IPP: variants seen among roughly 807,000 people sequenced by gnomAD.
The protein encoded by IPP is intracisternal A particle-promoted polypeptide, also known as actin-binding protein IPP.
IPP carries 41 observed loss-of-function variants against 64.1 expected under a neutral mutation model. That is an observed-to-expected ratio of 0.64 (90% CI 0.50 to 0.83). The LOEUF (loss-of-function observed/expected upper bound fraction) is 0.83. Among genes scored for constraint, IPP ranks in the 40% least tolerant of loss-of-function variants. The pLI, the probability that IPP is intolerant of heterozygous loss-of-function variation, is 0.00. For missense variants in IPP, 649 were observed against 703.0 expected, an observed-to-expected ratio of 0.92 and a Z score of 0.87; for synonymous variants, 214 against 235.2, an observed-to-expected ratio of 0.91 and a Z score of 0.83.
rs1371532857 is a variant in IPP at position 45,714,308 on chromosome 1, C to T, written c.1468G>A (p.Val490Ile). The change falls in exon 8 of 9, where the codon GTT becomes ATT. Residue 490 changes from valine (V) to isoleucine (I), a missense_variant. Physicochemically the swap from Val to Ile is conservative, Grantham distance 29 (BLOSUM62 3). Coordinates refer to ENST00000396478, the MANE Select transcript of IPP (RefSeq NM_005897.3). ...TCTTGGGTCTCATTCCATCCTCCAACAGAATAGATGCAGTCATTGAGTGCA... is the reference window on the plus strand; with the variant it reads ...TCTTGGGTCTCATTCCATCCTCCAATAGAATAGATGCAGTCATTGAGTGCA... The part of the protein sequence containing the change: ...VAALNDCIYS[V>I]GGWNETQDAL... The T allele has an allele frequency of 9.9e-6, 16 of 1,614,190 alleles. No homozygotes were observed. Among genetic ancestry groups the T allele is most frequent in the Non-Finnish European group, 1.2e-5 (14 of 1,180,012 alleles).
downstream of IPP, chr1:45,698,634 A>G (rs1351125548): frequency 2.1e-6 from 2 of 954,218 alleles, no homozygotes; most frequent in African/African-American, 3.5e-5. Context: ...AAAGCTTGAT[A>G]ATCTAATAAA....
At chr1:45,732,372 A>AAAAAC (rs1645921408) in intron 3 of IPP, among the ~76,000 whole-genome samples, 1 of 151,098 alleles carries the variant, frequency 6.6e-6, no homozygotes, top group South Asian at 2.1e-4. Context: ...AAAAAAAAAA[A>AAAAAC]AAAAAAAACA....
intron 2 of IPP, among the ~76,000 whole-genome samples, chr1:45,742,389 AAAC>A (rs1409896216): frequency 3.9e-5 from 6 of 152,228 alleles, no homozygotes; most frequent in East Asian, 1.9e-4. Flanking sequence ...GAAAAAAAAC[AAAC>A]AACAACAGCA....
At chr1:45,703,313 T>A (rs1357662180) in intron 8 of IPP, among the ~76,000 whole-genome samples, 2 of 150,298 alleles carry the variant, frequency 1.3e-5, no homozygotes, top group Non-Finnish European at 3.0e-5. Context: ...AGTCTTGAAC[T>A]CCTGGGCTCA....
chr1:45,749,518 G>GTTTTTTT (rs1233626706), intron 1 of IPP, among the ~76,000 whole-genome samples: 1 of 123,718 alleles, frequency 8.1e-6, no homozygotes, highest in East Asian at 2.5e-4. Context: ...TTTTGTTTTT[G>GTTTTTTT]TTTTTTGTTT....
At position 45,727,793 on chromosome 1, in the gene IPP, A is replaced by G. The variant is rs536452536; in HGVS notation, c.886T>C (p.Tyr296His). Residue 296 changes from tyrosine to histidine, a missense_variant, in exon 5 of 9, where the codon TAT becomes CAT. Physicochemically the swap from Tyr to His is moderately conservative, Grantham distance 83. Coordinates refer to ENST00000396478, the MANE Select transcript of IPP (RefSeq NM_005897.3). Reference protein sequence around the residue: ...ARKYLYAVGGYTRLQGGRWSD... With the variant: ...ARKYLYAVGGHTRLQGGRWSD... Reference sequence around the variant, plus strand: ...CAGCGACCCCCCTGCAACCGAGTATATCCACCTAAACAAAAGAAGAAAAGG... The same window carrying G: ...CAGCGACCCCCCTGCAACCGAGTATGTCCACCTAAACAAAAGAAGAAAAGG... 16 of 1,532,214 alleles carry G rather than the reference A, an allele frequency of 1.0e-5. No individual in the cohort carries two copies. In the East Asian group the frequency reaches 1.6e-4, roughly 15 times the overall value. The allele number at this position is 1,532,214 out of a possible 1,614,324, so 94.9% of individuals were successfully genotyped here.
downstream of IPP, among the ~76,000 whole-genome samples, chr1:45,696,307 T>C (rs1645387785): frequency 6.6e-6 from 1 of 152,218 alleles, no homozygotes; most frequent in Non-Finnish European, 1.5e-5. Flanking sequence ...TAGATCACTT[T>C]AATCATTTCT....
downstream of IPP, among the ~76,000 whole-genome samples, chr1:45,695,800 C>A (rs955744294): frequency 6.6e-6 from 1 of 151,944 alleles, no homozygotes; most frequent in Non-Finnish European, 1.5e-5. Context: ...CTCCCGAGTA[C>A]CTGGGATTAC....
At chr1:45,695,607 CATTAAAAATGGTCTAAGG>C (rs1471063960), downstream of IPP, among the ~76,000 whole-genome samples, 132 of 151,492 alleles carry the variant, frequency 8.7e-4, no homozygotes, top group African/African-American at 2.9e-3. Flanking sequence ...AAAGGAAAAA[CATTAAAAATGGTCTAAGG>C]ATTAAAAATG....
chr1:45,716,460 G>A lies in IPP; in HGVS notation c.1309+435C>T, dbSNP rs762176636. Among the ~76,000 whole-genome samples, 11 of 152,082 alleles carry A rather than the reference G, an allele frequency of 7.2e-5. 1 individual carries two copies. Among genetic ancestry groups the A allele is most frequent in the Admixed American group, 6.6e-4 (10 of 15,264 alleles). On this transcript the variant is annotated intron_variant, in intron 7 of 8. Coordinates refer to ENST00000396478, the MANE Select transcript of IPP (RefSeq NM_005897.3). Reference sequence around the variant, plus strand: ...AGGTTTCACCACGTTGGCCAGGATGGTCTCGAACTCCTAACCTCAGGTGAT... The same window carrying A: ...AGGTTTCACCACGTTGGCCAGGATGATCTCGAACTCCTAACCTCAGGTGAT...
chr1:45,724,058 TC>T, intron 5 of IPP, among the ~76,000 whole-genome samples: 1 of 145,756 alleles, frequency 6.9e-6, no homozygotes. Context: ...ACTGCTGCCA[TC>T]TCGGCTCACT....
In IPP at chr1:45,714,475, G is replaced by A; in HGVS notation, c.1310-9C>T. 6.4e-7 allele frequency: 1 copy of A among 1,561,254 alleles called. No individual in the cohort carries two copies. The highest frequency in any genetic ancestry group is 1.1e-5 in the South Asian group (1 of 89,974). On this transcript the variant is annotated splice_polypyrimidine_tract_variant and intron_variant, in intron 7 of 8. Coordinates refer to ENST00000396478, the MANE Select transcript of IPP (RefSeq NM_005897.3). Reference sequence around the variant, plus strand: ...AATTACATAAATTAAACCTGGAAGTGGAATATTTTTGCTCAGATGCTACAG... The same window carrying A: ...AATTACATAAATTAAACCTGGAAGTAGAATATTTTTGCTCAGATGCTACAG...
chr1:45,750,586 G>A lies in IPP; in HGVS notation c.-51+11C>T, dbSNP rs554627404. The A allele has an allele frequency of 3.3e-5, 5 of 152,652 alleles. No individual in the cohort carries two copies. The highest frequency in any genetic ancestry group is 9.6e-5 in the African/African-American group (4 of 41,602). The allele number at this position is 152,652 out of a possible 1,614,324, so 9.5% of individuals were successfully genotyped here. A position where few individuals can be genotyped will look rare whatever the true frequency, so the allele number is the denominator to read the frequency against. ...CCGTCACAGACGCGCCCGAACGCAG[G>A]CCCTCCTTACCCGCCGCTTCCCCTT... On this transcript the variant is annotated intron_variant, in intron 1 of 8. Transcript: ENST00000396478.
At position 45,699,464 on chromosome 1, in the gene IPP, C is replaced by G; in HGVS notation, c.*502G>C. ...TGCACTGGAGAAGTAGCTAAAGGGA[C>G]TATTTGCCAGGAAGCTTCTAGTAAA... On this transcript the variant is annotated 3_prime_UTR_variant, in exon 9 of 9. Transcript: ENST00000396478. The G allele has an allele frequency of 1.0e-6, 1 of 988,332 alleles. No individual in the cohort carries two copies. Among genetic ancestry groups the G allele is most frequent in the Non-Finnish European group, 1.2e-6 (1 of 831,596 alleles). The allele number at this position is 988,332 out of a possible 1,614,324, so 61.2% of individuals were successfully genotyped here.
chr1:45,724,261 G>T (rs1645774920), intron 5 of IPP, among the ~76,000 whole-genome samples: 1 of 152,188 alleles, frequency 6.6e-6, no homozygotes, highest in South Asian at 2.1e-4. Flanking sequence ...CGGGATTGCA[G>T]ACGGAGTCTC....
intron 3 of IPP, among the ~76,000 whole-genome samples, chr1:45,738,406 G>C (rs916696710): frequency 1.3e-5 from 2 of 151,852 alleles, no homozygotes; most frequent in African/African-American, 4.8e-5. Flanking sequence ...GTGTCCCTAA[G>C]TGCAAGAAAG....
chr1:45,719,746 G>A (rs1163385748), intron 5 of IPP, among the ~76,000 whole-genome samples: 1 of 152,092 alleles, frequency 6.6e-6, no homozygotes, highest in Non-Finnish European at 1.5e-5. Context: ...TTTTTTTGGA[G>A]ACGGAGTCTC....
At chr1:45,719,395 G>C in intron 5 of IPP, 55 bp from the exon 6 acceptor site, 1 of 1,170,878 alleles carries the variant, frequency 8.5e-7, no homozygotes, top group South Asian at 1.5e-5. Context: ...CAACAGACTA[G>C]CACCATAACA....
In IPP at chr1:45,698,846, G is replaced by C. The variant is rs1001508429; in HGVS notation, c.*1120C>G. On this transcript the variant is annotated 3_prime_UTR_variant, in exon 9 of 9. Coordinates refer to ENST00000396478, the MANE Select transcript of IPP (RefSeq NM_005897.3). ...TGATCCTGCAACCTCAGCCTCCCAA[G>C]CAGATGGGACCACAGGTACAAGCCA... 1 of 283,220 alleles carries C rather than the reference G, an allele frequency of 3.5e-6. No individual in the cohort carries two copies. The highest frequency in any genetic ancestry group is 5.3e-6 in the Non-Finnish European group (1 of 189,772). The allele number at this position is 283,220 out of a possible 1,614,324, so 17.5% of individuals were successfully genotyped here. A position where few individuals can be genotyped will look rare whatever the true frequency, so the allele number is the denominator to read the frequency against.
Sources: allele counts gnomAD v4.1 joint callset (sites outside exome capture counted in the v4.1 genomes callset), GRCh38; gene constraint gnomAD v4.1.1; transcripts MANE v1.5; gene names NCBI Gene and HGNC (gene_info 2026-07-23, HGNC 2026-07-21).